Variants in MACROD2 observed in about 807,000 individuals in gnomAD.
MACROD2 encodes mono-ADP ribosylhydrolase 2.
Under a neutral mutation model 70.4 loss-of-function variants are expected in MACROD2, and 36 were observed. That is an observed-to-expected ratio of 0.51 (90% CI 0.39 to 0.68). The LOEUF is 0.68. Ranked by LOEUF, MACROD2 falls within the 30% of genes least tolerant of loss-of-function variation. MACROD2 has a pLI of 0.00. For synonymous variants in MACROD2, 172 were observed against 178.8 expected (o/e 0.96, Z 0.30); for missense variants, 496 against 538.4 (o/e 0.92, Z 0.78).
At chr20:14,594,526 A>G (rs192389006) in intron 4 of MACROD2, among the ~76,000 whole-genome samples, 2 of 152,314 alleles carry the variant, frequency 1.3e-5, no homozygotes, top group Admixed American at 1.3e-4. Flanking sequence ...GTAAACCTTA[A>G]TATAACATAT....
Position 15,941,955 on chromosome 20 carries a change from G to A in MACROD2, c.907+4411G>A, listed in dbSNP as rs539520031. On this transcript the variant is annotated intron_variant, in intron 12 of 17. Transcript: ENST00000684519. ...CCACAGGAAATTAGCATCTTCTAGGGTGAAAGTATTGAAAACAAACAAATA... is the reference window on the plus strand; with the variant it reads ...CCACAGGAAATTAGCATCTTCTAGGATGAAAGTATTGAAAACAAACAAATA... Among the ~76,000 whole-genome samples the A allele has an allele frequency of 2.6e-5, 4 of 152,224 alleles. No individual in the cohort carries two copies. In the South Asian group the frequency reaches 8.3e-4, roughly 32 times the overall value.
At chr20:14,015,845 G>T (rs2052982002) in intron 2 of MACROD2, among the ~76,000 whole-genome samples, 1 of 152,218 alleles carries the variant, frequency 6.6e-6, no homozygotes, top group Admixed American at 6.5e-5. Flanking sequence ...TACACTGTAT[G>T]TGTATAGCAC....
At chr20:14,993,026 A>C (rs531533020) in intron 5 of MACROD2, among the ~76,000 whole-genome samples, 6 of 152,266 alleles carry the variant, frequency 3.9e-5, no homozygotes, top group African/African-American at 1.4e-4. Context: ...AATAGACTGC[A>C]TTCTCTTTCT....
At chr20:16,018,369 T>C (rs2066957828) in intron 15 of MACROD2, among the ~76,000 whole-genome samples, 1 of 152,152 alleles carries the variant, frequency 6.6e-6, no homozygotes, top group Non-Finnish European at 1.5e-5. Flanking sequence ...TATGTAATGG[T>C]TCCTGTGAGT....
chr20:14,705,969 G>C (rs569981652), intron 5 of MACROD2, among the ~76,000 whole-genome samples: 3 of 149,192 alleles, frequency 2.0e-5, no homozygotes, highest in Non-Finnish European at 3.0e-5. Context: ...TTTTAATTTT[G>C]TGATATTTTA....
At chr20:14,381,624 ATAG>A (rs1324915577) in intron 3 of MACROD2, among the ~76,000 whole-genome samples, 1 of 152,208 alleles carries the variant, frequency 6.6e-6, no homozygotes, top group Non-Finnish European at 1.5e-5. Flanking sequence ...AAGAAGGAAG[ATAG>A]TAGTAGCAGT....
chr20:15,225,086 GA>G (rs199846134), intron 5 of MACROD2, among the ~76,000 whole-genome samples: 1,630 of 151,754 alleles, frequency 0.011, 10 homozygotes, highest in South Asian at 0.017. Flanking sequence ...GGCCATGTAG[GA>G]AAAAAATGCC....
intron 8 of MACROD2, among the ~76,000 whole-genome samples, chr20:15,639,327 C>T (rs998793594): frequency 1.1e-4 from 16 of 152,194 alleles, no homozygotes; most frequent in Admixed American, 3.3e-4. Context: ...GAACTGCTCA[C>T]GACCTGCATC....
intron 3 of MACROD2, among the ~76,000 whole-genome samples, chr20:14,236,536 A>G (rs1208806451): frequency 3.3e-5 from 5 of 152,160 alleles, no homozygotes. Flanking sequence ...AAATACGAAA[A>G]TGAAAGAATC....
intron 13 of MACROD2, 49 bp downstream of exon 13, chr20:15,967,679 C>CACA: frequency 1.8e-5 from 5 of 277,874 alleles, no homozygotes; most frequent in East Asian, 7.2e-5. Flanking sequence ...TGCTGGGAAA[C>CACA]AGAAAAAAAA....
At chr20:15,328,039 A>G (rs1165847259) in intron 6 of MACROD2, among the ~76,000 whole-genome samples, 1 of 152,104 alleles carries the variant, frequency 6.6e-6, no homozygotes, top group Middle Eastern at 3.2e-3. Flanking sequence ...ATATTTTTAT[A>G]AAATGAAGAT....
chr20:14,771,734 T>C (rs204114), intron 5 of MACROD2, among the ~76,000 whole-genome samples: 15,237 of 141,198 alleles, frequency 0.11, 1,082 homozygotes, highest in Middle Eastern at 0.23. Context: ...GTTATACTTA[T>C]CCTACACACA....
intron 2 of MACROD2, among the ~76,000 whole-genome samples, chr20:14,062,249 C>G (rs2053699537): frequency 6.6e-6 from 1 of 152,014 alleles, no homozygotes; most frequent in Non-Finnish European, 1.5e-5. Context: ...TCTTCTTTTA[C>G]TTTCTTTAGT....
chr20:14,254,653 A>T (rs1406845695), intron 3 of MACROD2, among the ~76,000 whole-genome samples: 2 of 152,196 alleles, frequency 1.3e-5, no homozygotes, highest in African/African-American at 4.8e-5. Flanking sequence ...AGTGTTGCTA[A>T]GAAGTTGCAG....
chr20:14,867,863 C>T (rs1039855875), intron 5 of MACROD2, among the ~76,000 whole-genome samples: 12 of 152,032 alleles, frequency 7.9e-5, no homozygotes, highest in African/African-American at 2.9e-4. Context: ...CTCCCAGTTT[C>T]ATCTTTAATG....
Position 15,933,328 on chromosome 20 carries a change from C to T in MACROD2, c.828C>T (p.Ser276=). 6.2e-7 allele frequency: 1 copy of T among 1,613,158 alleles called. No homozygotes were observed. The highest frequency in any genetic ancestry group is 8.5e-7 in the Non-Finnish European group (1 of 1,179,438). The change falls in exon 11 of 18, where the codon AGC becomes AGT. Residue 276 remains serine (S), a synonymous_variant. Coordinates refer to ENST00000684519, the MANE Select transcript of MACROD2 (RefSeq NM_001351661.2). The part of the protein sequence containing the change: ...KQSVEEMEEQ[S]QDADGVNTVT... ...GTGTGGAAGAAATGGAAGAGCAGAG[C>T]CAAGATGCAGGTAGGCTCAGATTTC...
intron 5 of MACROD2, among the ~76,000 whole-genome samples, chr20:15,214,475 G>T (rs1177513877): frequency 6.6e-6 from 1 of 152,074 alleles, no homozygotes; most frequent in Non-Finnish European, 1.5e-5. Flanking sequence ...ATCGCTTGAG[G>T]CCAGAACTTC....
chr20:15,490,428 T>C (rs1480598784), intron 7 of MACROD2, among the ~76,000 whole-genome samples: 2 of 151,982 alleles, frequency 1.3e-5, no homozygotes, highest in African/African-American at 2.4e-5. Flanking sequence ...GGGTGATTTT[T>C]ATTTTTTAAT....
At chr20:14,154,726 T>C (rs999964781) in intron 3 of MACROD2, among the ~76,000 whole-genome samples, 15 of 152,094 alleles carry the variant, frequency 9.9e-5, no homozygotes, top group Non-Finnish European at 1.8e-4. Context: ...AATACCTTTT[T>C]AAATTTTATC....
Sources: allele counts gnomAD v4.1 joint callset (sites outside exome capture counted in the v4.1 genomes callset), GRCh38; gene constraint gnomAD v4.1.1; transcripts MANE v1.5; gene names NCBI Gene and HGNC (gene_info 2026-07-23, HGNC 2026-07-21).